Variants in EFEMP2 observed in about 807,000 individuals in gnomAD.
EFEMP2 encodes the protein EGF-like fibulin extracellular matrix protein 2, also known as EGF-containing fibulin-like extracellular matrix protein 2.
Under a neutral mutation model 55.3 loss-of-function variants are expected in EFEMP2, and 21 were observed. That is an observed-to-expected ratio of 0.38 (90% CI 0.27 to 0.55). The LOEUF (loss-of-function observed/expected upper bound fraction) is 0.55. EFEMP2 is among the 20% of genes least tolerant of loss of function. The pLI is 0.77. For missense variants in EFEMP2, 513 were observed against 615.1 expected (o/e 0.83, Z 1.76); for synonymous variants, 275 against 242.3 (o/e 1.14, Z -1.25).
intron 3 of EFEMP2, chr11:65,871,757 A>T: frequency 1.6e-6 from 1 of 641,074 alleles, no homozygotes. Context: ...AGGGGTAGGG[A>T]CAAGGTTTCC....
Position 65,866,903 on chromosome 11 carries a change from G to C in EFEMP2, c.*15C>G. On this transcript the variant is annotated 3_prime_UTR_variant, in exon 11 of 11. Transcript: ENST00000307998. ...AGCTAGGGTAGCTGCAGGGAGGGTG[G>C]CTCCCTCCTGCTCCTCAGAAGGTGT... 6.2e-7 allele frequency: 1 copy of C among 1,613,622 alleles called. No homozygotes were observed. Among genetic ancestry groups the C allele is most frequent in the Non-Finnish European group, 8.5e-7 (1 of 1,179,634 alleles).
At chr11:65,871,092 A>G (rs1361714039) in intron 4 of EFEMP2, 65 bp downstream of exon 4, 2 of 1,572,022 alleles carry the variant, frequency 1.3e-6, no homozygotes, top group Non-Finnish European at 1.7e-6. Flanking sequence ...GAGGAACATG[A>G]GGTCTGAGTT....
chr11:65,868,467 G>T, intron 8 of EFEMP2, 43 bp downstream of exon 8: 1 of 1,613,804 alleles, frequency 6.2e-7, no homozygotes, highest in Non-Finnish European at 8.5e-7. Flanking sequence ...CAGGCTGCCA[G>T]CTCCTGACAC....
chr11:65,871,598 T>G (rs1473987769), intron 3 of EFEMP2: 48 of 605,258 alleles, frequency 7.9e-5, no homozygotes, highest in Admixed American at 1.7e-4. Flanking sequence ...TGGGTCTCTA[T>G]CCCTCCCCAC....
intron 3 of EFEMP2, chr11:65,871,672 T>G (rs1555043515): frequency 1.7e-6 from 1 of 595,502 alleles, no homozygotes; most frequent in Non-Finnish European, 3.0e-6. Flanking sequence ...GACGCTACCC[T>G]CCCAGGTTGT....
chr11:65,867,724 C>T, intron 10 of EFEMP2, 137 bp downstream of exon 10: 1 of 913,494 alleles, frequency 1.1e-6, no homozygotes, highest in Middle Eastern at 2.8e-4. Flanking sequence ...CCCCCGTCTT[C>T]CTGCAGAAAC....
chr11:65,871,899 TG>T, intron 3 of EFEMP2, 70 bp downstream of exon 3: 1 of 1,534,156 alleles, frequency 6.5e-7, no homozygotes. Context: ...GAGGTGGGGC[TG>T]TCCCTTGGAA....
At chr11:65,870,393 C>T in intron 5 of EFEMP2, 143 bp downstream of exon 5, 1 of 1,450,674 alleles carries the variant, frequency 6.9e-7, no homozygotes, top group Non-Finnish European at 9.6e-7. Context: ...ACACTCCCCG[C>T]TACAGTCCTC....
rs779131358 is a variant in EFEMP2 at position 65,868,574 on chromosome 11, C to T, written c.783G>A (p.Glu261=). The change falls in exon 8 of 11, where the codon GAG becomes GAA. Residue 261 remains glutamate (E), a synonymous_variant. Coordinates refer to ENST00000307998, the MANE Select transcript of EFEMP2 (RefSeq NM_016938.5). ...GGCAGTGGCAGGAGAAACGGCCTGGCTCGTTGATGCAGCGGTACTGACAGA... is the reference window on the plus strand; with the variant it reads ...GGCAGTGGCAGGAGAAACGGCCTGGTTCGTTGATGCAGCGGTACTGACAGA... ...SYLCQYRCIN[E]PGRFSCHCPQ... 99 of 1,613,830 alleles carry T rather than the reference C, an allele frequency of 6.1e-5. No homozygotes were observed. Among genetic ancestry groups the T allele is most frequent in the Non-Finnish European group, 7.3e-5 (86 of 1,180,032 alleles).
rs772715527 is a variant in EFEMP2 at position 65,867,032 on chromosome 11, C to T, written c.1218G>A (p.Thr406=). 6.8e-6 allele frequency: 11 copies of T among 1,614,010 alleles called. No homozygotes were observed. Among genetic ancestry groups the T allele is most frequent in the South Asian group, 3.3e-5 (3 of 91,084 alleles). The change falls in exon 11 of 11, where the codon ACG becomes ACA. Residue 406 remains threonine, a synonymous_variant. Coordinates refer to ENST00000307998, the MANE Select transcript of EFEMP2 (RefSeq NM_016938.5). ...SAMLVLARPV[T]GPREYVLDLE... is the part of the protein sequence containing the mutation. ...GGTCCAGCACGTACTCCCGGGGGCC[C>T]GTCACCGGCCGGGCGAGGACCAGCA... is the stretch of plus-strand genomic sequence containing the variant.
chr11:65,872,270 C>T lies in EFEMP2; in HGVS notation c.85G>A (p.Asp29Asn). Reference protein sequence around the residue: ...LLLLGSASPQDSEEPDSYTEC... With the variant: ...LLLLGSASPQNSEEPDSYTEC... ...GTGTAGCTGTCGGGCTCTTCAGAAT[C>T]CTGAGGAGAAGCTGATCCCAAGAGC... The change falls in exon 2 of 11, where the codon GAT becomes AAT. Residue 29 changes from aspartate to asparagine, a missense_variant. Physicochemically the swap from Asp to Asn is conservative, Grantham distance 23. Transcript: ENST00000307998. The T allele has an allele frequency of 1.3e-6, 2 of 1,551,648 alleles. No individual in the cohort carries two copies. Among genetic ancestry groups the T allele is most frequent in the East Asian group, 2.4e-5 (1 of 40,926 alleles).
At chr11:65,871,694 G>A in intron 3 of EFEMP2, 1 of 599,468 alleles carries the variant, frequency 1.7e-6, no homozygotes, top group Non-Finnish European at 3.0e-6. Flanking sequence ...ATGAGACAAA[G>A]AGCTGGGACA....
Position 65,866,842 on chromosome 11 carries a change from T to G in EFEMP2, c.*76A>C. 6.4e-7 allele frequency: 1 copy of G among 1,569,720 alleles called. No homozygotes were observed. Among genetic ancestry groups the G allele is most frequent in the Non-Finnish European group, 8.7e-7 (1 of 1,144,524 alleles). On this transcript the variant is annotated 3_prime_UTR_variant, in exon 11 of 11. Coordinates refer to ENST00000307998, the MANE Select transcript of EFEMP2 (RefSeq NM_016938.5). ...ACCAGGACTTTCTTTCTCCCTTTAT[T>G]GCCTTTCTCATTCTGCCCCTCACAA...
rs186624861 is a variant in EFEMP2 at position 65,871,590 on chromosome 11, G to A, written c.161-227C>T. 9.8e-6 allele frequency: 6 copies of A among 609,462 alleles called. No individual in the cohort carries two copies. In the East Asian group the frequency reaches 1.7e-4, roughly 17 times the overall value. The allele number at this position is 609,462 out of a possible 1,614,324, so 37.8% of individuals were successfully genotyped here. A position where few individuals can be genotyped will look rare whatever the true frequency, so the allele number is the denominator to read the frequency against. Reference sequence around the variant, plus strand: ...TGCCCTCATTCTCGGCCTGCAAGTGGGTCTCTATCCCTCCCCACGGCCCTA... The same window carrying A: ...TGCCCTCATTCTCGGCCTGCAAGTGAGTCTCTATCCCTCCCCACGGCCCTA... On this transcript the variant is annotated intron_variant, in intron 3 of 10. Coordinates refer to ENST00000307998, the MANE Select transcript of EFEMP2 (RefSeq NM_016938.5).
Position 65,866,777 on chromosome 11 carries a change from A to T in EFEMP2, c.*141T>A. On this transcript the variant is annotated 3_prime_UTR_variant, in exon 11 of 11. Transcript: ENST00000307998. ...GCCCCCCCAAGTGCCACCCTGCCCC[A>T]GCCTGAGGCTTCCTGCAGTGTGACC... is the stretch of plus-strand genomic sequence containing the variant. 2 of 1,129,450 alleles carry T rather than the reference A, an allele frequency of 1.8e-6. No homozygotes were observed. The allele number at this position is 1,129,450 out of a possible 1,614,324, so 70.0% of individuals were successfully genotyped here. A position where few individuals can be genotyped will look rare whatever the true frequency, so the allele number is the denominator to read the frequency against.
chr11:65,871,851 G>T, intron 3 of EFEMP2, 119 bp downstream of exon 3: 3 of 1,273,826 alleles, frequency 2.4e-6, no homozygotes, highest in Non-Finnish European at 3.3e-6. Context: ...GCAGAGCTGG[G>T]CATAGAACGG....
chr11:65,867,794 C>T (rs2134746375), intron 10 of EFEMP2, 67 bp downstream of exon 10: 1 of 1,574,170 alleles, frequency 6.4e-7, no homozygotes, highest in East Asian at 2.2e-5. Context: ...GGCCGAGTTC[C>T]CCCTTAAGGC....
chr11:65,868,762 C>T (rs1859911580), intron 7 of EFEMP2, 133 bp from the exon 8 acceptor site: 2 of 1,306,954 alleles, frequency 1.5e-6, no homozygotes, highest in South Asian at 2.5e-5. Flanking sequence ...AGACAAGCCA[C>T]AAGTTCAGCC....
Position 65,866,971 on chromosome 11 carries a change from G to A in EFEMP2, c.1279C>T (p.Arg427Trp), listed in dbSNP as rs1056545955. 32 of 1,614,080 alleles carry A rather than the reference G, an allele frequency of 2.0e-5. No individual in the cohort carries two copies. The highest frequency in any genetic ancestry group is 3.3e-5 in the Admixed American group (2 of 60,008). ...MVTMNSLMSY[R>W]ASSVLRLTVF... ...GTGAGCCTCAGTACAGAGCTGGCCCGGTAGCTCATGAGGGAATTCATGGTG... is the reference window on the plus strand; with the variant it reads ...GTGAGCCTCAGTACAGAGCTGGCCCAGTAGCTCATGAGGGAATTCATGGTG... The change falls in exon 11 of 11, where the codon CGG (arginine) becomes TGG (tryptophan). Residue 427 changes from arginine to tryptophan, a missense_variant. By Grantham distance (101) the Arg-to-Trp change is moderately radical. Transcript: ENST00000307998.
Sources: allele counts gnomAD v4.1 joint callset, GRCh38; gene constraint gnomAD v4.1.1; transcripts MANE v1.5; gene names NCBI Gene and HGNC (gene_info 2026-07-23, HGNC 2026-07-21).